The following CEP83 variants were observed in gnomAD, a reference collection of about 807,000 sequenced individuals.
CEP83 encodes centrosomal protein of 83 kDa.
In CEP83, 70 loss-of-function variants were observed where a neutral mutation model predicts 101.9. The ratio of observed to expected loss-of-function variants is 0.69; its 90% CI spans 0.57 to 0.84. CEP83 has a LOEUF of 0.84. Among genes scored for constraint, CEP83 ranks in the 40% least tolerant of loss-of-function variants. The pLI is 0.00. For missense variants in CEP83, 715 were observed against 787.2 expected, an observed-to-expected ratio of 0.91 and a Z score of 1.10; for synonymous variants, 264 against 267.9, an observed-to-expected ratio of 0.99 and a Z score of 0.14.
chr12:94,335,909 G>C, intron 11 of CEP83: 1 of 402,202 alleles, frequency 2.5e-6, no homozygotes, highest in South Asian at 3.7e-5. Flanking sequence ...GTCTGTCCAG[G>C]GGTACTGGGG....
At chr12:94,430,087 C>T (rs2065507224) in intron 2 of CEP83, among the ~76,000 whole-genome samples, 1 of 152,034 alleles carries the variant, frequency 6.6e-6, no homozygotes, top group Non-Finnish European at 1.5e-5. Context: ...CTGGCCTCAC[C>T]CACCCCCCAT....
At chr12:94,315,997 T>C (rs1174186396) in intron 14 of CEP83, among the ~76,000 whole-genome samples, 2 of 152,178 alleles carry the variant, frequency 1.3e-5, no homozygotes, top group African/African-American at 4.8e-5. Flanking sequence ...CTTTGTACTT[T>C]CAGATGAATT....
intron 4 of CEP83, among the ~76,000 whole-genome samples, chr12:94,403,574 CTAGTT>C (rs1288841528): frequency 2.6e-5 from 4 of 152,082 alleles, no homozygotes; most frequent in African/African-American, 9.7e-5. Context: ...GGCTAATAGT[CTAGTT>C]ATTTTCCAAA....
intron 14 of CEP83, among the ~76,000 whole-genome samples, chr12:94,321,762 TC>T (rs2058753630): frequency 6.6e-6 from 1 of 152,092 alleles, no homozygotes; most frequent in African/African-American, 2.4e-5. Context: ...AACCCATCCC[TC>T]CCACTAGGAG....
intron 6 of CEP83, among the ~76,000 whole-genome samples, chr12:94,379,291 GCTGA>G (rs1439451858): frequency 2.0e-5 from 3 of 152,086 alleles, no homozygotes; most frequent in South Asian, 2.1e-4. Context: ...TTAATCAGTT[GCTGA>G]CTAAAATTTA....
intron 12 of CEP83, 48 bp from the exon 13 acceptor site, chr12:94,333,687 G>A (rs376435493): frequency 1.3e-5 from 20 of 1,571,356 alleles, no homozygotes; most frequent in South Asian, 2.3e-5. Flanking sequence ...AAATAAATGC[G>A]GTAAGGTATG....
At chr12:94,457,704 T>C (rs964756864) in intron 1 of CEP83, among the ~76,000 whole-genome samples, 1 of 152,204 alleles carries the variant, frequency 6.6e-6, no homozygotes, top group East Asian at 1.9e-4. Context: ...CCAATTCCCA[T>C]TATTAATAGA....
chr12:94,323,374 C>T (rs1480102077), intron 14 of CEP83, among the ~76,000 whole-genome samples: 1 of 152,096 alleles, frequency 6.6e-6, no homozygotes, highest in Non-Finnish European at 1.5e-5. Flanking sequence ...ACAAGGGGAT[C>T]TCCTGACCTG....
chr12:94,328,296 G>T, intron 14 of CEP83: 1 of 350,760 alleles, frequency 2.9e-6, no homozygotes, highest in Non-Finnish European at 5.7e-6. Flanking sequence ...CCCAACTCAA[G>T]ATCCTGTTCA....
At chr12:94,453,383 A>T (rs2067402801) in intron 1 of CEP83, among the ~76,000 whole-genome samples, 1 of 152,232 alleles carries the variant, frequency 6.6e-6, no homozygotes. Flanking sequence ...TACACTTACA[A>T]GATTCTAAAG....
At chr12:94,416,792 C>A (rs111888874) in intron 2 of CEP83, among the ~76,000 whole-genome samples, 1 of 152,038 alleles carries the variant, frequency 6.6e-6, no homozygotes, top group African/African-American at 2.4e-5. Flanking sequence ...TTTCACCCCC[C>A]ACCAAGAGTA....
At chr12:94,284,110 C>A in the CEP83 span, among the ~76,000 whole-genome samples, 57 of 134,374 alleles carry the variant, frequency 4.2e-4, no homozygotes, top group African/African-American at 1.4e-3. Flanking sequence ...AAAAAAAAAG[C>A]AGGGTTTGCA....
Position 94,367,917 on chromosome 12 carries a change from T to C in CEP83, c.1220A>G (p.Asp407Gly). 6.2e-7 allele frequency: 1 copy of C among 1,613,708 alleles called. No homozygotes were observed. The highest frequency in any genetic ancestry group is 8.5e-7 in the Non-Finnish European group (1 of 1,179,766). The change falls in exon 11 of 17, where the codon GAT becomes GGT. Residue 407 changes from aspartate to glycine, a missense_variant. Asp to Gly is a moderately conservative substitution (Grantham distance 94). Transcript: ENST00000397809. ...ATGTTCCACTTTCATTTTCTCCAAA[T>C]CTGCTAATCTGTTCTCGAGTTCTAA... ...EKLELENRLA[D>G]LEKMKVEHDV...
the CEP83 span, chr12:94,281,980 A>C: frequency 3.4e-6 from 1 of 298,402 alleles, no homozygotes. Context: ...TGGGCACACA[A>C]GTGTGAGCAT....
At chr12:94,377,428 C>T (rs552521257) in intron 7 of CEP83, among the ~76,000 whole-genome samples, 8 of 152,180 alleles carry the variant, frequency 5.3e-5, no homozygotes, top group African/African-American at 1.9e-4. Flanking sequence ...TTCACACCAT[C>T]GGACAGTCAA....
the CEP83 span, chr12:94,279,722 C>A: frequency 3.5e-4 from 451 of 1,274,558 alleles, 4 homozygotes; most frequent in African/African-American, 8.4e-3. Flanking sequence ...CCCTCCCTGT[C>A]CCCCCTCCCT....
intron 14 of CEP83, among the ~76,000 whole-genome samples, chr12:94,319,179 TGTTA>T (rs1285237184): frequency 6.6e-6 from 1 of 152,204 alleles, no homozygotes; most frequent in Admixed American, 6.5e-5. Context: ...CTTCTAGCTT[TGTTA>T]GTTTGTATGC....
chr12:94,424,365 T>A, intron 2 of CEP83: 1 of 1,613,930 alleles, frequency 6.2e-7, no homozygotes, highest in South Asian at 1.1e-5. Context: ...CCAGGGGGTG[T>A]CTTAATATAT....
intron 2 of CEP83, chr12:94,424,593 T>C: frequency 1.2e-6 from 2 of 1,613,552 alleles, no homozygotes; most frequent in Non-Finnish European, 1.7e-6. Context: ...TGCTTTACCA[T>C]CTGTGCCTGT....
Sources: gnomAD v4.1 joint callset for allele counts (sites outside exome capture counted in the v4.1 genomes callset) on GRCh38, gnomAD v4.1.1 for gene constraint, MANE v1.5 for transcripts, NCBI Gene and HGNC (gene_info 2026-07-23, HGNC 2026-07-21) for gene names.